The following HHAT variants were observed in gnomAD, a reference collection of about 807,000 sequenced individuals.
HHAT encodes the protein protein-cysteine N-palmitoyltransferase HHAT.
Under a neutral mutation model 70.8 loss-of-function variants are expected in HHAT, and 47 were observed. That is an observed-to-expected ratio of 0.66 (90% confidence interval 0.53 to 0.85). The LOEUF (loss-of-function observed/expected upper bound fraction) is 0.85. HHAT is among the 40% of genes least tolerant of loss of function. The probability of loss-of-function intolerance (pLI) is 0.00; values close to 1 mark genes in which losing one functional copy is unlikely to be tolerated. For synonymous variants in HHAT, 228 were observed against 247.6 expected (o/e 0.92, Z 0.74); for missense variants, 609 against 604.8 (o/e 1.01, Z -0.07).
At chr1:210,598,208 A>G (rs1400259198) in intron 10 of HHAT, among the ~76,000 whole-genome samples, 2 of 151,620 alleles carry the variant, frequency 1.3e-5, no homozygotes, top group Admixed American at 1.3e-4. Flanking sequence ...ATTGCAAGAC[A>G]AAGTTGTCTT....
intron 8 of HHAT, among the ~76,000 whole-genome samples, chr1:210,484,114 G>A (rs556583823): frequency 1.3e-5 from 2 of 152,282 alleles, no homozygotes; most frequent in East Asian, 3.9e-4. Flanking sequence ...GATTATTCAT[G>A]TAAGGAATGC....
chr1:210,508,427 T>G (rs2094899473), intron 8 of HHAT, among the ~76,000 whole-genome samples: 1 of 152,168 alleles, frequency 6.6e-6, no homozygotes, highest in Admixed American at 6.5e-5. Flanking sequence ...ATAAAATTAT[T>G]AAGTAATGAT....
intron 1 of HHAT, among the ~76,000 whole-genome samples, chr1:210,335,343 G>C (rs2085388141): frequency 6.8e-6 from 1 of 146,502 alleles, no homozygotes; most frequent in Non-Finnish European, 1.5e-5. Flanking sequence ...CTCTTTGCAA[G>C]CTGGAGCATT....
chr1:210,494,542 C>CTTTTTTTTTTTTTTTTTTTTTTTTT lies in HHAT; in HGVS notation c.1008-18608_1008-18584dup, dbSNP rs71146226. Reference sequence around the variant, plus strand: ...AGATCAGGAGTTCAGTTTGAAATAGCTTTTTTTTTTTTTTTTTTTTTTTTT... The same window carrying CTTTTTTTTTTTTTTTTTTTTTTTTT: ...AGATCAGGAGTTCAGTTTGAAATAGCTTTTTTTTTTTTTTTTTTTTTTTTTTTTTTTTTTTTTTTTTTTTTTTTTT... On this transcript the variant is annotated intron_variant, in intron 8 of 11. Coordinates refer to ENST00000261458, the MANE Select transcript of HHAT (RefSeq NM_018194.6). Among the ~76,000 whole-genome samples, 7 of 82,858 alleles carry CTTTTTTTTTTTTTTTTTTTTTTTTT rather than the reference C, an allele frequency of 8.4e-5. 1 individual carries two copies. The highest frequency in any genetic ancestry group is 3.9e-4 in the East Asian group (1 of 2,552). 54.4% of individuals were successfully genotyped at this position (82,858 alleles called of 152,430 possible). A position where few individuals can be genotyped will look rare whatever the true frequency, so the allele number is the denominator to read the frequency against.
intron 11 of HHAT, among the ~76,000 whole-genome samples, chr1:210,625,069 C>T (rs1379761671): frequency 6.6e-6 from 1 of 152,210 alleles, no homozygotes; most frequent in Non-Finnish European, 1.5e-5. Flanking sequence ...GAGCCAGGCT[C>T]AAAGGGCCAA....
intron 7 of HHAT, among the ~76,000 whole-genome samples, chr1:210,462,093 A>G (rs980482094): frequency 2.0e-5 from 3 of 152,242 alleles, no homozygotes; most frequent in Non-Finnish European, 2.9e-5. Context: ...ATTTTAATTT[A>G]TATGCCTTGA....
intron 9 of HHAT, among the ~76,000 whole-genome samples, chr1:210,545,027 T>C (rs535530480): frequency 6.6e-6 from 1 of 151,966 alleles, no homozygotes; most frequent in African/African-American, 2.4e-5. Context: ...CTAGTCAACA[T>C]CCACATGTTC....
intron 11 of HHAT, among the ~76,000 whole-genome samples, chr1:210,638,941 T>C (rs556827721): frequency 2.2e-3 from 334 of 152,100 alleles, no homozygotes; most frequent in Admixed American, 6.1e-3. Flanking sequence ...ACAAAAATGA[T>C]TGTGGTGATG....
chr1:210,387,933 A>ACT (rs746067670), intron 4 of HHAT, among the ~76,000 whole-genome samples: 22 of 152,232 alleles, frequency 1.4e-4, no homozygotes, highest in Non-Finnish European at 2.4e-4. Flanking sequence ...TTGATGATTT[A>ACT]CTTAAGAAGT....
chr1:210,549,680 C>A (rs948500503), intron 9 of HHAT, among the ~76,000 whole-genome samples: 4 of 147,036 alleles, frequency 2.7e-5, no homozygotes, highest in South Asian at 4.5e-4. Context: ...TCTCTGTTTA[C>A]CATATGGCAT....
intron 9 of HHAT, among the ~76,000 whole-genome samples, chr1:210,567,066 C>G (rs1654941050): frequency 6.6e-6 from 1 of 152,236 alleles, no homozygotes; most frequent in East Asian, 1.9e-4. Context: ...TGTGCCCCCC[C>G]TCCAATAAGG....
intron 9 of HHAT, among the ~76,000 whole-genome samples, chr1:210,554,412 G>A (rs998851465): frequency 3.9e-5 from 6 of 152,134 alleles, no homozygotes; most frequent in Non-Finnish European, 8.8e-5. Context: ...AGGGAGTTTT[G>A]CCCTTTGGTG....
intron 9 of HHAT, among the ~76,000 whole-genome samples, chr1:210,582,545 G>A (rs549581891): frequency 1.4e-4 from 21 of 152,268 alleles, no homozygotes; most frequent in African/African-American, 4.1e-4. Context: ...GAAGTGTTGC[G>A]ATTTTAAGAT....
At chr1:210,495,317 A>G (rs2094619003) in intron 8 of HHAT, among the ~76,000 whole-genome samples, 1 of 151,792 alleles carries the variant, frequency 6.6e-6, no homozygotes, top group South Asian at 2.1e-4. Flanking sequence ...ATAATAGATG[A>G]CTTCTGGGGA....
rs551864718 is a variant in HHAT at position 210,639,077 on chromosome 1, T to C, written c.1390+15407T>C. On this transcript the variant is annotated intron_variant, in intron 11 of 11. Transcript: ENST00000261458. ...CAGTTTAAGGTTAAAAGATAATTGA[T>C]CCGATATGGCCCTATCTGCTCCGTC... Among the ~76,000 whole-genome samples the C allele has an allele frequency of 3.3e-5, 5 of 152,294 alleles. No homozygotes were observed. The East Asian group carries it at 9.7e-4, about 29-fold the overall frequency.
intron 7 of HHAT, among the ~76,000 whole-genome samples, 169 bp from the exon 8 acceptor site, chr1:210,464,336 T>C (rs935943888): frequency 6.6e-6 from 1 of 152,174 alleles, no homozygotes; most frequent in African/African-American, 2.4e-5. Flanking sequence ...ACCAAAAAAT[T>C]TCATTGAATA....
intron 10 of HHAT, among the ~76,000 whole-genome samples, chr1:210,598,266 C>G (rs1445968341): frequency 6.6e-6 from 1 of 151,820 alleles, no homozygotes; most frequent in African/African-American, 2.4e-5. Context: ...AGGAATCTGT[C>G]TTGGAGCTGT....
intron 11 of HHAT, among the ~76,000 whole-genome samples, chr1:210,637,676 A>C (rs1672132750): frequency 6.6e-6 from 1 of 152,294 alleles, no homozygotes; most frequent in South Asian, 2.1e-4. Flanking sequence ...CCTGGCCAAC[A>C]TGTTGAAACC....
intron 10 of HHAT, chr1:210,590,306 GTTC>G (rs2148793900): frequency 6.6e-6 from 1 of 152,092 alleles, no homozygotes; most frequent in South Asian, 2.1e-4. Context: ...TCAATTTCCT[GTTC>G]TTCTGTCAAA....
Sources: allele counts gnomAD v4.1 joint callset (sites outside exome capture counted in the v4.1 genomes callset), GRCh38; gene constraint gnomAD v4.1.1; transcripts MANE v1.5; gene names NCBI Gene and HGNC (gene_info 2026-07-23, HGNC 2026-07-21).